DKK1: variants seen among roughly 807,000 people sequenced by gnomAD.
The protein encoded by DKK1 is dickkopf Wnt signaling pathway inhibitor 1.
A neutral mutation model predicts 26.0 loss-of-function variants in DKK1; 18 were observed. The observed-to-expected ratio is 0.69, with a 90% CI of 0.48 to 1.03. The LOEUF is 1.03. Ranked by LOEUF, DKK1 falls within the 50% of genes least tolerant of loss-of-function variation. The pLI is 0.00. For synonymous variants in DKK1, 130 were observed against 132.6 expected, an observed-to-expected ratio of 0.98 and a Z score of 0.13; for missense variants, 335 against 348.5, an observed-to-expected ratio of 0.96 and a Z score of 0.31.
Position 52,317,027 on chromosome 10 carries a change from A to G in DKK1, c.*220A>G. On this transcript the variant is annotated 3_prime_UTR_variant, in exon 4 of 4. Coordinates refer to ENST00000373970, the MANE Select transcript of DKK1 (RefSeq NM_012242.4). ...CTGTATTGTAAATTCTCAGTGTGGC[A>G]CTTACCTGTAAATGCAATGAAACTT... 1.8e-6 allele frequency: 1 copy of G among 542,022 alleles called. No homozygotes were observed. The highest frequency in any genetic ancestry group is 1.9e-5 in the African/African-American group (1 of 52,714). 33.6% of individuals were successfully genotyped at this position (542,022 alleles called of 1,614,324 possible). A position where few individuals can be genotyped will look rare whatever the true frequency, so the allele number is the denominator to read the frequency against.
chr10:52,317,069 A>C lies in DKK1; in HGVS notation c.*262A>C. On this transcript the variant is annotated 3_prime_UTR_variant, in exon 4 of 4. Transcript: ENST00000373970. Reference sequence around the variant, plus strand: ...ATGAAACTTTTAATTATTTTTCTAAAGGTGCTGCACTGCCTATTTTTCCTC... The same window carrying C: ...ATGAAACTTTTAATTATTTTTCTAACGGTGCTGCACTGCCTATTTTTCCTC... 1 of 450,050 alleles carries C rather than the reference A, an allele frequency of 2.2e-6. No homozygotes were observed. 27.9% of individuals were successfully genotyped at this position (450,050 alleles called of 1,614,324 possible). A position where few individuals can be genotyped will look rare whatever the true frequency, so the allele number is the denominator to read the frequency against.
rs1180603670 is a variant in DKK1 at position 52,314,426 on chromosome 10, CCTT to C, written c.-6_-4del. ...TTCTCTTTCTTTCTCCCTCTTGAGTCCTTCTGAGATGATGGCTCTGGGCGCAGC... is the reference window on the plus strand; with the variant it reads ...TTCTCTTTCTTTCTCCCTCTTGAGTCCTGAGATGATGGCTCTGGGCGCAGC... On this transcript the variant is annotated 5_prime_UTR_variant, in exon 1 of 4. Coordinates refer to ENST00000373970, the MANE Select transcript of DKK1 (RefSeq NM_012242.4). The surrounding 1 kb of genome is among the most constrained non-coding windows in gnomAD (Gnocchi z 5.7). The C allele has an allele frequency of 3.6e-5, 58 of 1,613,636 alleles. No individual in the cohort carries two copies. Among genetic ancestry groups the C allele is most frequent in the East Asian group, 1.6e-4 (7 of 44,854 alleles).
rs780722183 is a variant in DKK1 at position 52,316,775 on chromosome 10, T to C, written c.769T>C (p.Ser257Pro). ...IQKDHHQASN[S>P]SRLHTCQRH The stretch of plus-strand genomic sequence containing the variant: ...GAAAGATCACCATCAAGCCAGTAAT[T>C]CTTCTAGGCTTCACACTTGTCAGAG... The change falls in exon 4 of 4, where the codon TCT becomes CCT. Residue 257 changes from serine to proline, a missense_variant. Coordinates refer to ENST00000373970, the MANE Select transcript of DKK1 (RefSeq NM_012242.4). 1.7e-5 allele frequency: 27 copies of C among 1,614,162 alleles called. No individual in the cohort carries two copies. The highest frequency in any genetic ancestry group is 3.3e-4 in the Middle Eastern group (2 of 6,060).
chr10:52,315,140 T>C (rs1842603586), intron 2 of DKK1, 55 bp downstream of exon 2: 2 of 279,974 alleles, frequency 7.1e-6, no homozygotes, highest in African/African-American at 6.0e-5. Flanking sequence ...TGAGCGTCTA[T>C]GAATTGGGCG....
rs1334479531 is a variant in DKK1, at chr10:52,316,764, A to G, written c.758A>G (p.Gln253Arg). 6 of 1,614,196 alleles carry G rather than the reference A, an allele frequency of 3.7e-6. No homozygotes were observed. Among genetic ancestry groups the G allele is most frequent in the Non-Finnish European group, 5.1e-6 (6 of 1,180,008 alleles). The change falls in exon 4 of 4, where the codon CAA becomes CGA. Residue 253 changes from glutamine to arginine, a missense_variant. Gln to Arg is a conservative substitution (Grantham distance 43). Transcript: ENST00000373970. ...TGCCGGATACAGAAAGATCACCATC[A>G]AGCCAGTAATTCTTCTAGGCTTCAC... Reference protein sequence around the residue: ...LSCRIQKDHHQASNSSRLHTC... With the variant: ...LSCRIQKDHHRASNSSRLHTC...
chr10:52,316,717 T>G lies in DKK1; in HGVS notation c.711T>G (p.Cys237Trp). 6.2e-7 allele frequency: 1 copy of G among 1,614,160 alleles called. No individual in the cohort carries two copies. The highest frequency in any genetic ancestry group is 1.3e-5 in the African/African-American group (1 of 75,060). ...ATGGACTAGAAATATTCCAGCGTTG[T>G]TACTGTGGAGAAGGTCTGTCTTGCC... ...GSHGLEIFQRCYCGEGLSCRI... is the reference protein window; with the variant it reads ...GSHGLEIFQRWYCGEGLSCRI... Residue 237 changes from cysteine (C) to tryptophan (W), a missense_variant, in exon 4 of 4, where the codon TGT (cysteine) becomes TGG (tryptophan). Physicochemically the swap from Cys to Trp is radical, Grantham distance 215. Coordinates refer to ENST00000373970, the MANE Select transcript of DKK1 (RefSeq NM_012242.4).
In DKK1 at chr10:52,315,255, T is replaced by C. The variant is rs1430125095; in HGVS notation, c.406+170T>C. ...GCATGCAGGATTCCGCTGAAGTATC[T>C]TCATTGCAAGTGTTTAATCGGGAAG... On this transcript the variant is annotated intron_variant, in intron 2 of 3. Transcript: ENST00000373970. 5.2e-6 allele frequency: 3 copies of C among 573,522 alleles called. No homozygotes were observed. The African/African-American group carries it at 5.8e-5, about 11-fold the overall frequency. The allele number at this position is 573,522 out of a possible 1,614,324, so 35.5% of individuals were successfully genotyped here.
rs1335841643 is a variant in DKK1, at chr10:52,317,621, C to A, written c.*814C>A. ...AATGAGAGTGAATCTTACATTACTA[C>A]TTTCAAAAATAGTTTCCAATAAATT... is the stretch of plus-strand genomic sequence containing the variant. On this transcript the variant is annotated 3_prime_UTR_variant, in exon 4 of 4. Coordinates refer to ENST00000373970, the MANE Select transcript of DKK1 (RefSeq NM_012242.4). The A allele has an allele frequency of 3.3e-5, 5 of 152,196 alleles. No individual in the cohort carries two copies. The highest frequency in any genetic ancestry group is 1.3e-4 in the Admixed American group (2 of 15,282). 9.4% of individuals were successfully genotyped at this position (152,196 alleles called of 1,614,324 possible).
In DKK1 at chr10:52,316,403, C is replaced by G; in HGVS notation, c.515C>G (p.Thr172Ser). 6.2e-7 allele frequency: 1 copy of G among 1,614,132 alleles called. No homozygotes were observed. The highest frequency in any genetic ancestry group is 8.5e-7 in the Non-Finnish European group (1 of 1,180,010). Reference sequence around the variant, plus strand: ...ACCTTGGATGGGTATTCCAGAAGAACCACCTTGTCTTCAAAAATGTATCAC... The same window carrying G: ...ACCTTGGATGGGTATTCCAGAAGAAGCACCTTGTCTTCAAAAATGTATCAC... ...HSTLDGYSRR[T>S]TLSSKMYHTK... Residue 172 changes from threonine to serine, a missense_variant, in exon 3 of 4, where the codon ACC (threonine) becomes AGC (serine). Coordinates refer to ENST00000373970, the MANE Select transcript of DKK1 (RefSeq NM_012242.4).
At position 52,314,615 on chromosome 10, in the gene DKK1, A is replaced by C. The variant is rs372730677; in HGVS notation, c.181A>C (p.Ser61Arg). The C allele has an allele frequency of 3.1e-6, 5 of 1,613,188 alleles. No homozygotes were observed. The highest frequency in any genetic ancestry group is 2.5e-6 in the Non-Finnish European group (3 of 1,179,984). ...GAAGHPGSAV[S>R]AAPGILYPGG... ...TGCGGGGCACCCAGGCTCTGCAGTC[A>C]GCGCCGCGCCGGGAATCCTGTACCC... is the stretch of plus-strand genomic sequence containing the variant. The change falls in exon 1 of 4, where the codon AGC becomes CGC. Residue 61 changes from serine (S) to arginine (R), a missense_variant. By Grantham distance (110) the Ser-to-Arg change is moderately radical. Transcript: ENST00000373970. The surrounding 1 kb of genome is among the most constrained non-coding windows in gnomAD (Gnocchi z 5.7).
At position 52,317,278 on chromosome 10, in the gene DKK1, T is replaced by A. The variant is rs1842626649; in HGVS notation, c.*471T>A. Reference sequence around the variant, plus strand: ...AATGATAGGTACCTAAAATGTAACATGAAAATACTAGCTTATTTTCTGAAA... The same window carrying A: ...AATGATAGGTACCTAAAATGTAACAAGAAAATACTAGCTTATTTTCTGAAA... On this transcript the variant is annotated 3_prime_UTR_variant, in exon 4 of 4. Transcript: ENST00000373970. 6.5e-6 allele frequency: 1 copy of A among 154,680 alleles called. No homozygotes were observed. The highest frequency in any genetic ancestry group is 1.4e-5 in the Non-Finnish European group (1 of 69,726). 9.6% of individuals were successfully genotyped at this position (154,680 alleles called of 1,614,324 possible).
At position 52,314,303 on chromosome 10, in the gene DKK1, G is replaced by C; in HGVS notation, c.-132G>C. 1 of 1,391,088 alleles carries C rather than the reference G, an allele frequency of 7.2e-7. No homozygotes were observed. The highest frequency in any genetic ancestry group is 2.3e-5 in the East Asian group (1 of 43,476). The allele number at this position is 1,391,088 out of a possible 1,614,324, so 86.2% of individuals were successfully genotyped here. ...GGCGCAGAGCTCTGTGCTCCCTGCA[G>C]TCAGGACTCTGGGACCGCAGGGGGC... is the stretch of plus-strand genomic sequence containing the variant. On this transcript the variant is annotated 5_prime_UTR_variant, in exon 1 of 4. Coordinates refer to ENST00000373970, the MANE Select transcript of DKK1 (RefSeq NM_012242.4). This position sits in a 1 kb window ranked among gnomAD's most constrained non-coding sequence, Gnocchi z 5.7.
Position 52,316,327 on chromosome 10 carries a change from C to CT in DKK1, c.439_440insT (p.Arg147LeufsTer5), listed in dbSNP as rs1234721851. 1 of 1,614,028 alleles carries CT rather than the reference C, an allele frequency of 6.2e-7. No individual in the cohort carries two copies. Among genetic ancestry groups the CT allele is most frequent in the South Asian group, 1.1e-5 (1 of 91,068 alleles). ...TGTGTCTTCTGATCAAAATCATTTC[C>CT]GAGGAGAAATTGAGGAAACCATCAC... is the stretch of plus-strand genomic sequence containing the variant. On this transcript the variant is annotated frameshift_variant, in exon 3 of 4. Coordinates refer to ENST00000373970, the MANE Select transcript of DKK1 (RefSeq NM_012242.4). LOFTEE classifies it high-confidence loss of function.
rs1842617446 is a variant in DKK1, at chr10:52,316,383, G to A, written c.495G>A (p.Leu165=). 6.2e-7 allele frequency: 1 copy of A among 1,614,118 alleles called. No individual in the cohort carries two copies. The highest frequency in any genetic ancestry group is 1.3e-5 in the African/African-American group (1 of 75,042). ...GCTTTGGTAATGATCATAGCACCTTGGATGGGTATTCCAGAAGAACCACCT... is the reference window on the plus strand; with the variant it reads ...GCTTTGGTAATGATCATAGCACCTTAGATGGGTATTCCAGAAGAACCACCT... The part of the protein sequence containing the change: ...TESFGNDHST[L]DGYSRRTTLS... The change falls in exon 3 of 4, where the codon TTG becomes TTA. Residue 165 remains leucine, a synonymous_variant. Transcript: ENST00000373970.
At position 52,314,732 on chromosome 10, in the gene DKK1, G is replaced by A; in HGVS notation, c.243+55G>A. 1 of 1,590,588 alleles carries A rather than the reference G, an allele frequency of 6.3e-7. No homozygotes were observed. The highest frequency in any genetic ancestry group is 2.2e-5 in the East Asian group (1 of 44,554). Reference sequence around the variant, plus strand: ...TCTGACCTTGAAAGGGTCCTATCTGGAGACGAGGGAGTAGAACGTGCTGAA... The same window carrying A: ...TCTGACCTTGAAAGGGTCCTATCTGAAGACGAGGGAGTAGAACGTGCTGAA... On this transcript the variant is annotated intron_variant, in intron 1 of 3. Transcript: ENST00000373970. This position sits in a 1 kb window ranked among gnomAD's most constrained non-coding sequence, Gnocchi z 5.7.
Position 52,314,403 on chromosome 10 carries a change from CTCTT to C in DKK1, c.-24_-21del, listed in dbSNP as rs771521465. 2 of 1,610,282 alleles carry C rather than the reference CTCTT, an allele frequency of 1.2e-6. No homozygotes were observed. The highest frequency in any genetic ancestry group is 2.2e-5 in the East Asian group (1 of 44,772). Reference sequence around the variant, plus strand: ...AGGCTTGCAAAGTGACGGTCATTTTCTCTTTCTTTCTCCCTCTTGAGTCCTTCTG... The same window carrying C: ...AGGCTTGCAAAGTGACGGTCATTTTCTCTTTCTCCCTCTTGAGTCCTTCTG... On this transcript the variant is annotated 5_prime_UTR_variant, in exon 1 of 4. Coordinates refer to ENST00000373970, the MANE Select transcript of DKK1 (RefSeq NM_012242.4). The surrounding 1 kb of genome is among the most constrained non-coding windows in gnomAD (Gnocchi z 5.7).
Position 52,314,653 on chromosome 10 carries a change from G to A in DKK1, c.219G>A (p.Lys73=). ...APGILYPGGN[K]YQTIDNYQPY... ...GAATCCTGTACCCGGGCGGGAATAA[G>A]TACCAGACCATTGACAACTACCAGG... is the stretch of plus-strand genomic sequence containing the variant. Residue 73 remains lysine (K), a synonymous_variant, in exon 1 of 4, where the codon AAG becomes AAA. Transcript: ENST00000373970. The surrounding 1 kb of genome is among the most constrained non-coding windows in gnomAD (Gnocchi z 5.7). 1.2e-6 allele frequency: 2 copies of A among 1,613,130 alleles called. No homozygotes were observed. The highest frequency in any genetic ancestry group is 1.1e-5 in the South Asian group (1 of 91,042).
At position 52,315,086 on chromosome 10, in the gene DKK1, G is replaced by A; in HGVS notation, c.406+1G>A. 2 of 1,436,124 alleles carry A rather than the reference G, an allele frequency of 1.4e-6. No homozygotes were observed. Among genetic ancestry groups the A allele is most frequent in the Non-Finnish European group, 9.4e-7 (1 of 1,069,036 alleles). 89.0% of individuals were successfully genotyped at this position (1,436,124 alleles called of 1,614,324 possible). On this transcript the variant is annotated splice_donor_variant, in intron 2 of 3. Coordinates refer to ENST00000373970, the MANE Select transcript of DKK1 (RefSeq NM_012242.4). LOFTEE classifies it high-confidence loss of function. ...TGCCCCGGGAATTACTGCAAAAATG[G>A]TGAGTCCTGAAAGCTCCCTTTCACA...
Position 52,317,546 on chromosome 10 carries a change from C to G in DKK1, c.*739C>G, listed in dbSNP as rs1842628635. On this transcript the variant is annotated 3_prime_UTR_variant, in exon 4 of 4. Transcript: ENST00000373970. ...ACAATATTGATCAGCTCTAGAATAACTTTAAAGAAAGACGTGTTCTGCATT... is the reference window on the plus strand; with the variant it reads ...ACAATATTGATCAGCTCTAGAATAAGTTTAAAGAAAGACGTGTTCTGCATT... 1 of 152,132 alleles carries G rather than the reference C, an allele frequency of 6.6e-6. No homozygotes were observed. Among genetic ancestry groups the G allele is most frequent in the Admixed American group, 6.6e-5 (1 of 15,256 alleles). The allele number at this position is 152,132 out of a possible 1,614,324, so 9.4% of individuals were successfully genotyped here. A position where few individuals can be genotyped will look rare whatever the true frequency, so the allele number is the denominator to read the frequency against.
Sources: allele counts gnomAD v4.1 joint callset, GRCh38; gene constraint gnomAD v4.1.1; non-coding constraint Gnocchi (gnomAD v3.1); transcripts MANE v1.5; gene names NCBI Gene and HGNC (gene_info 2026-07-23, HGNC 2026-07-21).